Variants in CTPS1 observed in about 807,000 individuals in gnomAD.
The protein encoded by CTPS1 is CTP synthetase 1.
Under a neutral mutation model 80.5 loss-of-function variants are expected in CTPS1, and 25 were observed. The ratio of observed to expected loss-of-function variants is 0.31; its 90% CI spans 0.23 to 0.43. The LOEUF is 0.43. Among genes scored for constraint, CTPS1 ranks in the 20% least tolerant of loss-of-function variants. The pLI, the probability that CTPS1 is intolerant of heterozygous loss-of-function variation, is 1.00. For missense variants in CTPS1, 442 were observed against 725.7 expected, an observed-to-expected ratio of 0.61 and a Z score of 4.49; for synonymous variants, 267 against 252.5, an observed-to-expected ratio of 1.06 and a Z score of -0.54.
chr1:41,002,124 A>G (rs1435605803), intron 10 of CTPS1, 36 bp from the exon 11 acceptor site: 1 of 1,593,566 alleles, frequency 6.3e-7, no homozygotes, highest in African/African-American at 1.3e-5. Flanking sequence ...CTGGTAGAAA[A>G]GGGGAATTGC....
Position 41,008,678 on chromosome 1 carries a change from A to G in CTPS1, c.1413A>G (p.Ala471=). Residue 471 remains alanine (A), a synonymous_variant, in exon 15 of 19, where the codon GCA becomes GCG. Coordinates refer to ENST00000650070, the MANE Select transcript of CTPS1 (RefSeq NM_001905.4). ...NSVMRKLYGD[A]DYLEERHRHR... ...TGCCAGGGAAACTCTATGGAGACGC[A>G]GACTACTTGGAAGAGAGGCACCGCC... The G allele has an allele frequency of 2.5e-6, 4 of 1,614,184 alleles. No individual in the cohort carries two copies. The South Asian group carries it at 4.4e-5, about 18-fold the overall frequency.
intron 7 of CTPS1, 75 bp from the exon 8 acceptor site, chr1:40,995,842 G>T (rs1401550561): frequency 1.3e-5 from 19 of 1,426,564 alleles, no homozygotes; most frequent in Non-Finnish European, 1.6e-5. Flanking sequence ...TTTTTACAAG[G>T]TCACGTAGCT....
At chr1:41,009,081 C>T (rs1443754955) in intron 16 of CTPS1, among the ~76,000 whole-genome samples, 191 bp downstream of exon 16, 1 of 152,160 alleles carries the variant, frequency 6.6e-6, no homozygotes, top group Non-Finnish European at 1.5e-5. Context: ...CATGGCCTTC[C>T]TCGGGGAGCC....
intron 2 of CTPS1, 85 bp from the exon 3 acceptor site, chr1:40,984,736 A>T: frequency 9.4e-7 from 1 of 1,066,612 alleles, no homozygotes; most frequent in Non-Finnish European, 1.3e-6. Flanking sequence ...ACACCTTGTT[A>T]ATGAGTGTTT....
chr1:40,989,568 C>A (rs897706223), intron 5 of CTPS1, among the ~76,000 whole-genome samples: 2 of 152,238 alleles, frequency 1.3e-5, no homozygotes, highest in South Asian at 2.1e-4. Context: ...CACACTCACA[C>A]ATAACTTATA....
At chr1:40,980,050 C>T (rs963698771) in intron 1 of CTPS1, 1 of 151,116 alleles carries the variant, frequency 6.6e-6, no homozygotes, top group African/African-American at 2.4e-5. Context: ...GCGCGCGGGC[C>T]TCGTGGCCGG....
intron 9 of CTPS1, among the ~76,000 whole-genome samples, chr1:40,998,397 A>G (rs1320224305): frequency 4.5e-5 from 1 of 22,184 alleles, no homozygotes; most frequent in Non-Finnish European, 7.5e-5. Context: ...GACTCTGTCT[A>G]AAAAAAAAAA....
chr1:40,985,696 C>T (rs953343486), intron 3 of CTPS1, among the ~76,000 whole-genome samples: 3 of 152,096 alleles, frequency 2.0e-5, no homozygotes, highest in East Asian at 3.9e-4. Flanking sequence ...CTTTACTGGC[C>T]TGAAAGCTGA....
chr1:40,986,827 A>G (rs1429399636), intron 3 of CTPS1, among the ~76,000 whole-genome samples: 1 of 152,188 alleles, frequency 6.6e-6, no homozygotes, highest in Non-Finnish European at 1.5e-5. Context: ...AAATGGTTCT[A>G]TAATTGGCCC....
intron 16 of CTPS1, 60 bp downstream of exon 16, chr1:41,008,950 G>GAAAATATAA: frequency 7.6e-7 from 1 of 1,324,302 alleles, no homozygotes; most frequent in South Asian, 1.2e-5. Flanking sequence ...TGGCATATGG[G>GAAAATATAA]AAAATATAAA....
At chr1:40,986,239 G>A (rs1414340148) in intron 3 of CTPS1, among the ~76,000 whole-genome samples, 2 of 152,254 alleles carry the variant, frequency 1.3e-5, no homozygotes, top group Non-Finnish European at 2.9e-5. Context: ...AGGTGGTCGG[G>A]GAGTCTCCCA....
chr1:41,009,172 G>A (rs1227482744), intron 16 of CTPS1, among the ~76,000 whole-genome samples: 4 of 152,126 alleles, frequency 2.6e-5, no homozygotes, highest in Admixed American at 1.3e-4. Context: ...CTCCTGAACC[G>A]CAAGACTCAG....
intron 18 of CTPS1, 79 bp downstream of exon 18, chr1:41,010,333 A>G (rs1643139734): frequency 1.9e-6 from 2 of 1,038,548 alleles, no homozygotes; most frequent in South Asian, 1.4e-5. Flanking sequence ...ATGGAAGTTT[A>G]GGGCTGAAAA....
chr1:41,005,362 T>G (rs1643007298), intron 12 of CTPS1, among the ~76,000 whole-genome samples: 1 of 152,028 alleles, frequency 6.6e-6, no homozygotes, highest in Non-Finnish European at 1.5e-5. Context: ...GAGAATCGCT[T>G]GAGACCTGGA....
rs1306962206 is a variant in CTPS1 at position 41,007,146 on chromosome 1, G to T, written c.1297-303G>T. 3.3e-5 allele frequency among the ~76,000 whole-genome samples: 5 copies of T among 152,190 alleles called. No individual in the cohort carries two copies. In the South Asian group the frequency reaches 1.0e-3, roughly 31 times the overall value. On this transcript the variant is annotated intron_variant, in intron 13 of 18. Coordinates refer to ENST00000650070, the MANE Select transcript of CTPS1 (RefSeq NM_001905.4). The surrounding 1 kb of genome is among the most constrained non-coding windows in gnomAD (Gnocchi z 4.4). ...ACATCCAGTCCGTGTCTGTGCTACT[G>T]TATCAGTCTTTCTAAGGAAGTGATG...
At chr1:40,991,067 T>C in intron 5 of CTPS1, 98 bp from the exon 6 acceptor site, 1 of 810,794 alleles carries the variant, frequency 1.2e-6, no homozygotes, top group Non-Finnish European at 2.0e-6. Flanking sequence ...GACCAAATGA[T>C]CTATTTCCTT....
At chr1:40,995,285 C>T (rs927998919) in intron 7 of CTPS1, among the ~76,000 whole-genome samples, 25 of 152,122 alleles carry the variant, frequency 1.6e-4, no homozygotes, top group African/African-American at 5.8e-4. Flanking sequence ...GTGATGCGAT[C>T]TTGGCTCACT....
At chr1:41,010,574 G>T (rs1007397805) in intron 18 of CTPS1, among the ~76,000 whole-genome samples, 1 of 152,170 alleles carries the variant, frequency 6.6e-6, no homozygotes, top group African/African-American at 2.4e-5. Flanking sequence ...GTTCTGGGGC[G>T]GGGAAGGGGA....
chr1:40,983,198 G>T, intron 1 of CTPS1, 80 bp from the exon 2 acceptor site: 1 of 1,197,156 alleles, frequency 8.4e-7, no homozygotes, highest in African/African-American at 1.5e-5. Flanking sequence ...GCTAATAATT[G>T]GCAGAGCCAG....
Sources: gnomAD v4.1 joint callset for allele counts (sites outside exome capture counted in the v4.1 genomes callset) on GRCh38, gnomAD v4.1.1 for gene constraint, Gnocchi (gnomAD v3.1) non-coding constraint, MANE v1.5 for transcripts, NCBI Gene and HGNC (gene_info 2026-07-23, HGNC 2026-07-21) for gene names.